Variants in HNF4G observed in about 807,000 individuals in gnomAD.
The protein encoded by HNF4G is hepatocyte nuclear factor 4-gamma.
In HNF4G, 21 loss-of-function variants were observed where a neutral mutation model predicts 50.9. The ratio of observed to expected loss-of-function variants is 0.41; its 90% CI spans 0.29 to 0.59. The LOEUF (loss-of-function observed/expected upper bound fraction) is 0.59, where lower values mean the gene tolerates loss of function less well. HNF4G is among the 20% of genes least tolerant of loss of function. HNF4G has a pLI of 0.26. For synonymous variants in HNF4G, 198 were observed against 185.6 expected, an observed-to-expected ratio of 1.07 and a Z score of -0.54; for missense variants, 527 against 559.4, an observed-to-expected ratio of 0.94 and a Z score of 0.58.
intron 1 of HNF4G, among the ~76,000 whole-genome samples, chr8:75,462,697 C>T (rs1230477173): frequency 1.3e-5 from 2 of 152,040 alleles, no homozygotes; most frequent in East Asian, 1.9e-4. Context: ...ACAATGATTA[C>T]GGTAGTGTAA....
At chr8:75,417,234 C>T (rs1810663279) in intron 1 of HNF4G, among the ~76,000 whole-genome samples, 1 of 152,298 alleles carries the variant, frequency 6.6e-6, no homozygotes, top group Middle Eastern at 3.4e-3. Flanking sequence ...GATTATAGCT[C>T]ACTGTAGCCT....
chr8:75,525,154 A>C (rs1177860128), intron 2 of HNF4G, among the ~76,000 whole-genome samples: 1 of 152,018 alleles, frequency 6.6e-6, no homozygotes, highest in East Asian at 1.9e-4. Context: ...GTTTTAACCA[A>C]TCACACTTTC....
chr8:75,435,521 T>C (rs1811115108), intron 1 of HNF4G, among the ~76,000 whole-genome samples: 2 of 152,168 alleles, frequency 1.3e-5, no homozygotes, highest in Non-Finnish European at 1.5e-5. Context: ...TTCAACATTG[T>C]ACTACAGACT....
chr8:75,522,597 C>T (rs1241653824), intron 2 of HNF4G, among the ~76,000 whole-genome samples: 2 of 152,130 alleles, frequency 1.3e-5, no homozygotes, highest in Admixed American at 6.5e-5. Context: ...GCTCCTCCAT[C>T]ATTTTACGAT....
At chr8:75,547,399 T>C (rs1275696953) in intron 2 of HNF4G, among the ~76,000 whole-genome samples, 188 bp from the exon 3 acceptor site, 1 of 152,264 alleles carries the variant, frequency 6.6e-6, no homozygotes, top group Non-Finnish European at 1.5e-5. Flanking sequence ...AAAGACTAAG[T>C]GAGAGGTGAG....
intron 9 of HNF4G, 81 bp from the exon 10 acceptor site, chr8:75,563,894 T>A: frequency 7.0e-7 from 1 of 1,437,522 alleles, no homozygotes. Context: ...TACGCTAATG[T>A]GTATTGGTGT....
intron 1 of HNF4G, among the ~76,000 whole-genome samples, chr8:75,459,172 C>T (rs1261767719): frequency 6.6e-6 from 1 of 152,090 alleles, no homozygotes; most frequent in African/African-American, 2.4e-5. Flanking sequence ...GGAAGGAACT[C>T]TCTACTAGCT....
intron 1 of HNF4G, among the ~76,000 whole-genome samples, chr8:75,436,866 G>C (rs1219815645): frequency 6.6e-6 from 1 of 151,976 alleles, no homozygotes; most frequent in Non-Finnish European, 1.5e-5. Context: ...AACATAGTGA[G>C]ATCCCTGACT....
At chr8:75,489,008 G>A (rs1812559667) in intron 1 of HNF4G, among the ~76,000 whole-genome samples, 1 of 152,126 alleles carries the variant, frequency 6.6e-6, no homozygotes, top group East Asian at 1.9e-4. Context: ...GCTCACTTTG[G>A]TGAGTCAAGA....
Position 75,529,702 on chromosome 8 carries a change from T to C in HNF4G, c.-23-14109T>C, listed in dbSNP as rs115207349. On this transcript the variant is annotated intron_variant, in intron 2 of 10. Transcript: ENST00000354370. ...AAAAGGGTTCTGTGAGAGAGAACTA[T>C]GGGGAAGATTCACCTTAAATTAGAT... Among the ~76,000 whole-genome samples the C allele has an allele frequency of 3.9e-3, 596 of 152,280 alleles. 5 individuals are homozygous for C. The highest frequency in any genetic ancestry group is 0.013 in the African/African-American group (554 of 41,556).
chr8:75,494,352 G>A (rs1403918330), intron 2 of HNF4G, among the ~76,000 whole-genome samples: 1 of 121,032 alleles, frequency 8.3e-6, no homozygotes, highest in East Asian at 2.7e-4. Context: ...ACACACACAG[G>A]TTGACAATAC....
intron 5 of HNF4G, among the ~76,000 whole-genome samples, chr8:75,553,921 G>A (rs1448658002): frequency 1.3e-5 from 2 of 152,076 alleles, no homozygotes; most frequent in Admixed American, 6.6e-5. Context: ...ATAAAGATAA[G>A]TATTTTGGTT....
At chr8:75,467,715 T>G (rs937047108) in intron 1 of HNF4G, among the ~76,000 whole-genome samples, 1 of 151,892 alleles carries the variant, frequency 6.6e-6, no homozygotes, top group Admixed American at 6.6e-5. Context: ...AAGTCACAAA[T>G]TTTTATCTAT....
chr8:75,490,255 A>C (rs1040516921), intron 2 of HNF4G: 1 of 152,488 alleles, frequency 6.6e-6, no homozygotes, highest in Non-Finnish European at 1.5e-5. Flanking sequence ...TAAATTATTT[A>C]TTACTTGGAC....
intron 1 of HNF4G, among the ~76,000 whole-genome samples, chr8:75,418,597 G>GAC (rs1202744820): frequency 2.0e-5 from 3 of 151,928 alleles, no homozygotes; most frequent in Non-Finnish European, 4.4e-5. Context: ...TTCCCCCTTT[G>GAC]ACAAGTCCTT....
intron 1 of HNF4G, among the ~76,000 whole-genome samples, chr8:75,447,664 C>CA (rs1177927310): frequency 6.6e-6 from 1 of 151,956 alleles, no homozygotes; most frequent in Non-Finnish European, 1.5e-5. Context: ...TTTATACAGC[C>CA]AAAAAACACA....
At chr8:75,486,247 C>T (rs1255313297) in intron 1 of HNF4G, among the ~76,000 whole-genome samples, 1 of 152,210 alleles carries the variant, frequency 6.6e-6, no homozygotes, top group Non-Finnish European at 1.5e-5. Flanking sequence ...ATTGTCCCTA[C>T]GATCAGCCTT....
intron 1 of HNF4G, among the ~76,000 whole-genome samples, chr8:75,476,782 A>G (rs924666317): frequency 6.6e-6 from 1 of 152,122 alleles, no homozygotes; most frequent in Non-Finnish European, 1.5e-5. Context: ...TAATCTTTCC[A>G]AATTTGCCAG....
At chr8:75,557,083 C>T (rs1311631595) in intron 6 of HNF4G, among the ~76,000 whole-genome samples, 1 of 152,184 alleles carries the variant, frequency 6.6e-6, no homozygotes, top group African/African-American at 2.4e-5. Context: ...AAATACCTCT[C>T]TTGAATTTCT....
Sources: allele counts gnomAD v4.1 joint callset (sites outside exome capture counted in the v4.1 genomes callset), GRCh38; gene constraint gnomAD v4.1.1; transcripts MANE v1.5; gene names NCBI Gene and HGNC (gene_info 2026-07-23, HGNC 2026-07-21).